IL2RA: variants seen among roughly 807,000 people sequenced by gnomAD.
IL2RA encodes the protein interleukin-2 receptor subunit alpha.
IL2RA carries 24 observed loss-of-function variants against 37.8 expected under a neutral mutation model. The ratio of observed to expected loss-of-function variants is 0.63; its 90% CI spans 0.46 to 0.89. The LOEUF is 0.89. Ranked by LOEUF, IL2RA falls within the 40% of genes least tolerant of loss-of-function variation. IL2RA has a pLI of 0.00. For missense variants in IL2RA, 319 were observed against 348.6 expected, an observed-to-expected ratio of 0.92 and a Z score of 0.68; for synonymous variants, 125 against 114.6, an observed-to-expected ratio of 1.09 and a Z score of -0.58.
chr10:6,062,328 T>C lies in IL2RA; in HGVS notation c.-177A>G, dbSNP rs543871712. On this transcript the variant is annotated 5_prime_UTR_variant, in exon 1 of 8. Transcript: ENST00000379959. ...AGTCTCTATCGGAGTCAGGAGTTGC[T>C]CTCTTTAAGTATTGGGCTGGCGTGT... 6.8e-6 allele frequency: 4 copies of C among 588,482 alleles called. No homozygotes were observed. Among genetic ancestry groups the C allele is most frequent in the East Asian group, 3.0e-5 (1 of 33,698 alleles). 36.5% of individuals were successfully genotyped at this position (588,482 alleles called of 1,614,324 possible).
intron 1 of IL2RA, among the ~76,000 whole-genome samples, chr10:6,059,806 C>T (rs1191181730): frequency 6.6e-6 from 1 of 152,154 alleles, no homozygotes; most frequent in East Asian, 1.9e-4. Context: ...CTCATGAAGC[C>T]TTCTCTGATA....
rs1365885220 is a variant in IL2RA at position 6,047,607 on chromosome 10, C to T, written c.64+14481G>A. 2.0e-5 allele frequency among the ~76,000 whole-genome samples: 3 copies of T among 151,400 alleles called. No individual in the cohort carries two copies. Among genetic ancestry groups the T allele is most frequent in the Non-Finnish European group, 4.4e-5 (3 of 67,914 alleles). ...TATTATGAATATGAAGGATAATTAACGTATCTATTATTTTATTAGACATCA... is the reference window on the plus strand; with the variant it reads ...TATTATGAATATGAAGGATAATTAATGTATCTATTATTTTATTAGACATCA... On this transcript the variant is annotated intron_variant, in intron 1 of 7. Transcript: ENST00000379959. The surrounding 1 kb of genome is among the most constrained non-coding windows in gnomAD (Gnocchi z 5.0).
At chr10:6,039,710 C>T (rs1278893741) in intron 1 of IL2RA, 7 of 152,188 alleles carry the variant, frequency 4.6e-5, no homozygotes, top group African/African-American at 1.7e-4. Context: ...CTCACTGGCT[C>T]ACTGTGGTCC....
At chr10:6,041,771 T>A (rs1199496287) in intron 1 of IL2RA, among the ~76,000 whole-genome samples, 4 of 152,160 alleles carry the variant, frequency 2.6e-5, no homozygotes, top group Non-Finnish European at 5.9e-5. Context: ...AAACACATTA[T>A]ATGCAGATAT....
In IL2RA at chr10:6,036,951, A is replaced by G. The variant is rs1304366172; in HGVS notation, c.65-10926T>C. On this transcript the variant is annotated intron_variant, in intron 1 of 7. Transcript: ENST00000379959. This position sits in a 1 kb window ranked among gnomAD's most constrained non-coding sequence, Gnocchi z 6.1. ...CAGGGCAGGTGTGGACATTGAGGCTATTTCTAACAAGCTCCTACATGATGC... is the reference window on the plus strand; with the variant it reads ...CAGGGCAGGTGTGGACATTGAGGCTGTTTCTAACAAGCTCCTACATGATGC... 6.6e-6 allele frequency among the ~76,000 whole-genome samples: 1 copy of G among 152,080 alleles called. No homozygotes were observed. The highest frequency in any genetic ancestry group is 1.9e-4 in the East Asian group (1 of 5,188).
In IL2RA at chr10:6,021,808, A is replaced by G. The variant is rs1383281717; in HGVS notation, c.368-115T>C. On this transcript the variant is annotated intron_variant, in intron 3 of 7. Coordinates refer to ENST00000379959, the MANE Select transcript of IL2RA (RefSeq NM_000417.3). This position sits in a 1 kb window ranked among gnomAD's most constrained non-coding sequence, Gnocchi z 4.9. ...TTCTTACTCTCTTGACTGCTTGCTC[A>G]TCCTTTCATTCAACCAATATATGTT... is the stretch of plus-strand genomic sequence containing the variant. 8 of 811,504 alleles carry G rather than the reference A, an allele frequency of 9.9e-6. No individual in the cohort carries two copies. In the African/African-American group the frequency reaches 1.0e-4, roughly 10 times the overall value. The allele number at this position is 811,504 out of a possible 1,614,324, so 50.3% of individuals were successfully genotyped here. A position where few individuals can be genotyped will look rare whatever the true frequency, so the allele number is the denominator to read the frequency against.
intron 1 of IL2RA, among the ~76,000 whole-genome samples, chr10:6,052,759 G>A (rs1319297404): frequency 6.6e-6 from 1 of 152,212 alleles, no homozygotes; most frequent in Non-Finnish European, 1.5e-5. Context: ...ACAGAAAAGA[G>A]TGGGTGATTC....
chr10:6,017,997 G>C, intron 7 of IL2RA, 56 bp downstream of exon 7: 2 of 1,438,006 alleles, frequency 1.4e-6, no homozygotes, highest in South Asian at 2.4e-5. Flanking sequence ...GGCAGGGTGG[G>C]GCTGGGTACA....
intron 7 of IL2RA, among the ~76,000 whole-genome samples, chr10:6,013,641 C>A (rs9663421): frequency 6.6e-6 from 1 of 151,994 alleles, no homozygotes; most frequent in African/African-American, 2.4e-5. Context: ...TCACTGATCA[C>A]GCGGTTGGGA....
In IL2RA at chr10:6,021,661, C is replaced by A; in HGVS notation, c.400G>T (p.Glu134Ter). 1 of 1,614,142 alleles carries A rather than the reference C, an allele frequency of 6.2e-7. No individual in the cohort carries two copies. Among genetic ancestry groups the A allele is most frequent in the Non-Finnish European group, 8.5e-7 (1 of 1,180,012 alleles). ...HCREPPPWEN[E>*]ATERIYHFVV... Reference sequence around the variant, plus strand: ...AAATGATAAATTCTCTCTGTGGCTTCATTTTCCCATGGTGGAGGTTCCCTG... The same window carrying A: ...AAATGATAAATTCTCTCTGTGGCTTAATTTTCCCATGGTGGAGGTTCCCTG... Residue 134 changes from glutamate to a stop codon, truncating the protein, a stop_gained, in exon 4 of 8, where the codon GAA (glutamate) becomes TAA (stop). Transcript: ENST00000379959. LOFTEE classifies it high-confidence loss of function. This position sits in a 1 kb window ranked among gnomAD's most constrained non-coding sequence, Gnocchi z 4.9.
rs1478067897 is a variant in IL2RA, at chr10:6,020,213, C to G, written c.584-272G>C. ...GAGCAATGCTTTCTCCCCAGCCTCC[C>G]TCCCCAGTCCTGGTTTCCATCTGTG... On this transcript the variant is annotated intron_variant, in intron 4 of 7. Coordinates refer to ENST00000379959, the MANE Select transcript of IL2RA (RefSeq NM_000417.3). This position sits in a 1 kb window ranked among gnomAD's most constrained non-coding sequence, Gnocchi z 5.6. Among the ~76,000 whole-genome samples, 1 of 152,172 alleles carries G rather than the reference C, an allele frequency of 6.6e-6. No individual in the cohort carries two copies. Among genetic ancestry groups the G allele is most frequent in the East Asian group, 1.9e-4 (1 of 5,202 alleles).
chr10:6,022,210 C>A lies in IL2RA; in HGVS notation c.368-517G>T, dbSNP rs1044582586. Among the ~76,000 whole-genome samples the A allele has an allele frequency of 6.6e-6, 1 of 151,974 alleles. No individual in the cohort carries two copies. Among genetic ancestry groups the A allele is most frequent in the African/African-American group, 2.4e-5 (1 of 41,344 alleles). ...GCGGCTGGGCATCTTGGGATGATGTCGGAAGGATTGGGGACAACACCAAAG... is the reference window on the plus strand; with the variant it reads ...GCGGCTGGGCATCTTGGGATGATGTAGGAAGGATTGGGGACAACACCAAAG... On this transcript the variant is annotated intron_variant, in intron 3 of 7. Transcript: ENST00000379959. This position sits in a 1 kb window ranked among gnomAD's most constrained non-coding sequence, Gnocchi z 4.7.
chr10:6,027,266 C>T (rs1227808399), intron 1 of IL2RA, among the ~76,000 whole-genome samples: 2 of 151,862 alleles, frequency 1.3e-5, no homozygotes, highest in South Asian at 2.1e-4. Context: ...GCAGAGGTTG[C>T]AGTGGGCCGA....
At chr10:6,023,954 G>A (rs12722577) in intron 3 of IL2RA, among the ~76,000 whole-genome samples, 30 of 152,330 alleles carry the variant, frequency 2.0e-4, no homozygotes, top group Non-Finnish European at 4.1e-4. Context: ...CCCAACAGAC[G>A]CTTTTAAGTT....
chr10:6,038,297 G>A (rs1035962368), intron 1 of IL2RA, among the ~76,000 whole-genome samples: 13 of 152,236 alleles, frequency 8.5e-5, no homozygotes, highest in African/African-American at 3.1e-4. Context: ...AACTATCTGG[G>A]TGCTGGGAGG....
rs563214765 is a variant in IL2RA, at chr10:6,033,790, G to A, written c.65-7765C>T. Among the ~76,000 whole-genome samples the A allele has an allele frequency of 3.3e-5, 5 of 152,314 alleles. No individual in the cohort carries two copies. In the South Asian group the frequency reaches 1.0e-3, roughly 32 times the overall value. ...GACAGTGGTTTCTTGTGGTAGGTGG[G>A]TATTGACCAGAAGGCAGAAGTGATG... is the stretch of plus-strand genomic sequence containing the variant. On this transcript the variant is annotated intron_variant, in intron 1 of 7. Coordinates refer to ENST00000379959, the MANE Select transcript of IL2RA (RefSeq NM_000417.3). The surrounding 1 kb of genome is among the most constrained non-coding windows in gnomAD (Gnocchi z 4.3).
At position 6,057,439 on chromosome 10, in the gene IL2RA, C is replaced by T. The variant is rs1840062943; in HGVS notation, c.64+4649G>A. ...ACTTTTTCATCCCAAAGTTCCCCAG[C>T]TTGAAAATGCCTTTTAAGCAGAGCT... On this transcript the variant is annotated intron_variant, in intron 1 of 7. Transcript: ENST00000379959. The surrounding 1 kb of genome is among the most constrained non-coding windows in gnomAD (Gnocchi z 4.8). Among the ~76,000 whole-genome samples, 1 of 152,156 alleles carries T rather than the reference C, an allele frequency of 6.6e-6. No homozygotes were observed. Among genetic ancestry groups the T allele is most frequent in the African/African-American group, 2.4e-5 (1 of 41,424 alleles).
rs55841382 is a variant in IL2RA, at chr10:6,021,534, C to T, written c.527G>A (p.Arg176Lys). The change falls in exon 4 of 8, where the codon AGG becomes AAG. Residue 176 changes from arginine (R) to lysine (K), a missense_variant. Physicochemically the swap from Arg to Lys is conservative, Grantham distance 26. Coordinates refer to ENST00000379959, the MANE Select transcript of IL2RA (RefSeq NM_000417.3). This position sits in a 1 kb window ranked among gnomAD's most constrained non-coding sequence, Gnocchi z 4.9. ...GCATATGAGCTGGGGCTGGGTCCAC[C>T]TTGTCTTCCCGTGGGTCATTTTGCA... ...SVCKMTHGKT[R>K]WTQPQLICTG... is the part of the protein sequence containing the mutation. 9 of 1,614,118 alleles carry T rather than the reference C, an allele frequency of 5.6e-6. No homozygotes were observed. In the Admixed American group the frequency reaches 8.3e-5, roughly 15 times the overall value.
intron 6 of IL2RA, 41 bp downstream of exon 6, chr10:6,019,387 C>G: frequency 6.9e-7 from 1 of 1,444,364 alleles, no homozygotes; most frequent in South Asian, 1.1e-5. Flanking sequence ...CATATCTCAG[C>G]CTGGTGTACA....
Sources: gnomAD v4.1 joint callset for allele counts (sites outside exome capture counted in the v4.1 genomes callset) on GRCh38, gnomAD v4.1.1 for gene constraint, Gnocchi (gnomAD v3.1) non-coding constraint, MANE v1.5 for transcripts, NCBI Gene and HGNC (gene_info 2026-07-23, HGNC 2026-07-21) for gene names.